Variants in SSNA1 observed in about 807,000 individuals in gnomAD.
SSNA1 encodes microtubule nucleation factor SSNA1.
Under a neutral mutation model 13.3 loss-of-function variants are expected in SSNA1, and 13 were observed. The ratio of observed to expected loss-of-function variants is 0.97; its 90% CI spans 0.63 to 1.55. SSNA1 has a LOEUF of 1.55. Among genes scored for constraint, SSNA1 ranks in the 40% most tolerant of loss-of-function variants. SSNA1 has a pLI of 0.00. For missense variants in SSNA1, 186 were observed against 152.7 expected, an observed-to-expected ratio of 1.22 and a Z score of -1.15; for synonymous variants, 89 against 65.9, an observed-to-expected ratio of 1.35 and a Z score of -1.70.
chr9:137,189,803 C>G lies in SSNA1; in HGVS notation c.253-4C>G, dbSNP rs1433974774. On this transcript the variant is annotated splice_region_variant and splice_polypyrimidine_tract_variant and intron_variant, in intron 2 of 2. Coordinates refer to ENST00000322310, the MANE Select transcript of SSNA1 (RefSeq NM_003731.3). ...TAACAACCTTCTCACTTCTCTGGCC[C>G]CAGATCCTGGAGAGCTCCCAGACTT... 2 of 1,613,756 alleles carry G rather than the reference C, an allele frequency of 1.2e-6. No individual in the cohort carries two copies. The highest frequency in any genetic ancestry group is 1.7e-5 in the Admixed American group (1 of 60,006).
chr9:137,190,153 C>G lies in SSNA1; in HGVS notation c.*239C>G. On this transcript the variant is annotated 3_prime_UTR_variant, in exon 3 of 3. Coordinates refer to ENST00000322310, the MANE Select transcript of SSNA1 (RefSeq NM_003731.3). Reference sequence around the variant, plus strand: ...GATGGTGGGCTCCAGGTCAGCTCTGCAAGGGGCTTGTCTCTGTGGCACCCA... The same window carrying G: ...GATGGTGGGCTCCAGGTCAGCTCTGGAAGGGGCTTGTCTCTGTGGCACCCA... 1 of 499,228 alleles carries G rather than the reference C, an allele frequency of 2.0e-6. No homozygotes were observed. Among genetic ancestry groups the G allele is most frequent in the South Asian group, 2.1e-5 (1 of 47,496 alleles). 30.9% of individuals were successfully genotyped at this position (499,228 alleles called of 1,614,324 possible).
In SSNA1 at chr9:137,188,714, G is replaced by T. The variant is rs377078426; in HGVS notation, c.-13G>T. 1 of 1,582,020 alleles carries T rather than the reference G, an allele frequency of 6.3e-7. No individual in the cohort carries two copies. The highest frequency in any genetic ancestry group is 2.3e-5 in the East Asian group (1 of 42,742). ...CGGCGGTTGGGGTGGTGGGGCCCCG[G>T]GCGGCGTTGACCATGACCCAGCAGG... On this transcript the variant is annotated 5_prime_UTR_variant, in exon 1 of 3. Transcript: ENST00000322310.
In SSNA1 at chr9:137,190,014, CCTCA is replaced by C. The variant is rs1248421738; in HGVS notation, c.*103_*106del. ...GTTCTTCACGGCAGCAGCTACCTTCCCTCACTGTCTCAGGTGCCGAGAGGGGCAG... is the reference window on the plus strand; with the variant it reads ...GTTCTTCACGGCAGCAGCTACCTTCCCTGTCTCAGGTGCCGAGAGGGGCAG... On this transcript the variant is annotated 3_prime_UTR_variant, in exon 3 of 3. Transcript: ENST00000322310. 9.1e-5 allele frequency: 100 copies of C among 1,096,930 alleles called. No homozygotes were observed. The African/African-American group carries it at 1.4e-3, about 15-fold the overall frequency. 67.9% of individuals were successfully genotyped at this position (1,096,930 alleles called of 1,614,324 possible). A position where few individuals can be genotyped will look rare whatever the true frequency, so the allele number is the denominator to read the frequency against.
chr9:137,189,646 C>A (rs1318669275), intron 2 of SSNA1, among the ~76,000 whole-genome samples, 161 bp from the exon 3 acceptor site: 3 of 152,226 alleles, frequency 2.0e-5, no homozygotes, highest in African/African-American at 7.2e-5. Flanking sequence ...GGCCCTGCCA[C>A]CCCGTCTGCC....
At chr9:137,189,678 T>TC in intron 2 of SSNA1, 129 bp from the exon 3 acceptor site, 1 of 805,202 alleles carries the variant, frequency 1.2e-6, no homozygotes, top group Non-Finnish European at 2.0e-6. Flanking sequence ...GCTTCCGCCT[T>TC]CCCCCACACA....
In SSNA1 at chr9:137,189,055, C is replaced by T. The variant is rs1564381249; in HGVS notation, c.53-11C>T. The stretch of plus-strand genomic sequence containing the variant: ...CCCTGGGCCCACAGCGCCGCCCCTC[C>T]CGGCCCCCAGGCATAGAGGAGCTGT... On this transcript the variant is annotated splice_polypyrimidine_tract_variant and intron_variant, in intron 1 of 2. Coordinates refer to ENST00000322310, the MANE Select transcript of SSNA1 (RefSeq NM_003731.3). The T allele has an allele frequency of 6.4e-7, 1 of 1,555,358 alleles. No homozygotes were observed. Among genetic ancestry groups the T allele is most frequent in the Non-Finnish European group, 8.7e-7 (1 of 1,149,112 alleles).
Position 137,189,142 on chromosome 9 carries a change from G to A in SSNA1, c.129G>A (p.Leu43=). 1 of 1,611,376 alleles carries A rather than the reference G, an allele frequency of 6.2e-7. No homozygotes were observed. Among genetic ancestry groups the A allele is most frequent in the Non-Finnish European group, 8.5e-7 (1 of 1,179,290 alleles). The change falls in exon 2 of 3, where the codon CTG becomes CTA. Residue 43 remains leucine (L), a synonymous_variant. Transcript: ENST00000322310. ...IQEEEDEKQR[L]QNEVRQLTEK... is the part of the protein sequence containing the mutation. ...AGGAGGAGGACGAGAAGCAGCGGCT[G>A]CAGAATGAGGTGAGGCAGCTGACAG...
Position 137,189,069 on chromosome 9 carries a change from T to C in SSNA1, c.56T>C (p.Ile19Thr). Residue 19 changes from isoleucine to threonine, a missense_variant, in exon 2 of 3, where the codon ATA (isoleucine) becomes ACA (threonine). Ile to Thr is a moderately conservative substitution (Grantham distance 89, BLOSUM62 -1). Coordinates refer to ENST00000322310, the MANE Select transcript of SSNA1 (RefSeq NM_003731.3). ...QNYNNELVKC[I>T]EELCQKREEL... ...CGCCGCCCCTCCCGGCCCCCAGGCA[T>C]AGAGGAGCTGTGCCAGAAGCGGGAG... 6.4e-7 allele frequency: 1 copy of C among 1,565,590 alleles called. No individual in the cohort carries two copies. Among genetic ancestry groups the C allele is most frequent in the Non-Finnish European group, 8.7e-7 (1 of 1,154,680 alleles).
intron 1 of SSNA1, 66 bp from the exon 2 acceptor site, chr9:137,189,000 G>A: frequency 6.6e-7 from 1 of 1,521,454 alleles, no homozygotes; most frequent in Non-Finnish European, 8.9e-7. Flanking sequence ...TCGGGTGGAA[G>A]GAGGCCCGCC....
At position 137,189,972 on chromosome 9, in the gene SSNA1, G is replaced by A. The variant is rs1834576467; in HGVS notation, c.*58G>A. On this transcript the variant is annotated 3_prime_UTR_variant, in exon 3 of 3. Transcript: ENST00000322310. ...CCCTCAGCTCAGCCCCAGCAAGTGT[G>A]TGCTCAGAGCATCTTTGTTCTTCAC... 1 of 1,455,306 alleles carries A rather than the reference G, an allele frequency of 6.9e-7. No individual in the cohort carries two copies. Among genetic ancestry groups the A allele is most frequent in the African/African-American group, 1.4e-5 (1 of 71,760 alleles). The allele number at this position is 1,455,306 out of a possible 1,614,324, so 90.1% of individuals were successfully genotyped here. A position where few individuals can be genotyped will look rare whatever the true frequency, so the allele number is the denominator to read the frequency against.
At chr9:137,189,366 G>T in intron 2 of SSNA1, 101 bp downstream of exon 2, 3 of 1,370,784 alleles carry the variant, frequency 2.2e-6, no homozygotes, top group Non-Finnish European at 1.0e-6. Context: ...GCTGTGGGCA[G>T]TCTGTGCCTC....
intron 2 of SSNA1, 57 bp downstream of exon 2, chr9:137,189,322 C>T (rs1441186795): frequency 6.3e-7 from 1 of 1,591,610 alleles, no homozygotes. Context: ...GGGGTGTTGC[C>T]ACGGCAAGGC....
chr9:137,188,868 G>C (rs11556579), intron 1 of SSNA1, 90 bp downstream of exon 1: 341,678 of 1,403,986 alleles, frequency 0.24, 43,664 homozygotes, highest in South Asian at 0.32. Context: ...CCGCCTCGCT[G>C]CGGGCATCGC....
Position 137,189,719 on chromosome 9 carries a change from G to A in SSNA1, c.253-88G>A. 3.2e-6 allele frequency: 4 copies of A among 1,260,250 alleles called. No individual in the cohort carries two copies. The South Asian group carries it at 5.2e-5, about 16-fold the overall frequency. The allele number at this position is 1,260,250 out of a possible 1,614,324, so 78.1% of individuals were successfully genotyped here. On this transcript the variant is annotated intron_variant, in intron 2 of 2. Coordinates refer to ENST00000322310, the MANE Select transcript of SSNA1 (RefSeq NM_003731.3). ...CCTTGGCTACAGCACCCCCAGCCAG[G>A]TCCCAGCACCTGAGTGTGAGGACAG...
chr9:137,190,033 G>GA lies in SSNA1; in HGVS notation c.*120dup. ...ACCTTCCCTCACTGTCTCAGGTGCC[G>GA]AGAGGGGCAGGTGCCAGCCTCCACT... On this transcript the variant is annotated 3_prime_UTR_variant, in exon 3 of 3. Coordinates refer to ENST00000322310, the MANE Select transcript of SSNA1 (RefSeq NM_003731.3). 1 of 920,980 alleles carries GA rather than the reference G, an allele frequency of 1.1e-6. No individual in the cohort carries two copies. The highest frequency in any genetic ancestry group is 1.5e-5 in the South Asian group (1 of 64,750). The allele number at this position is 920,980 out of a possible 1,614,324, so 57.1% of individuals were successfully genotyped here. A position where few individuals can be genotyped will look rare whatever the true frequency, so the allele number is the denominator to read the frequency against.
At position 137,189,321 on chromosome 9, in the gene SSNA1, C is replaced by A. The variant is rs868131049; in HGVS notation, c.252+56C>A. 64 of 1,593,080 alleles carry A rather than the reference C, an allele frequency of 4.0e-5. No individual in the cohort carries two copies. In the Middle Eastern group the frequency reaches 2.0e-3, roughly 50 times the overall value. On this transcript the variant is annotated intron_variant, in intron 2 of 2. Transcript: ENST00000322310. ...GGGGATAGGCACGGCAGGGGTGTTGCCACGGCAAGGCGTCAGGACCGGCTG... is the reference window on the plus strand; with the variant it reads ...GGGGATAGGCACGGCAGGGGTGTTGACACGGCAAGGCGTCAGGACCGGCTG...
At chr9:137,189,425 A>G (rs1447397162) in intron 2 of SSNA1, among the ~76,000 whole-genome samples, 160 bp downstream of exon 2, 1 of 152,192 alleles carries the variant, frequency 6.6e-6, no homozygotes, top group African/African-American at 2.4e-5. Context: ...TGAGGAACCC[A>G]GGCTGCTGTG....
Position 137,189,144 on chromosome 9 carries a change from A to G in SSNA1, c.131A>G (p.Gln44Arg), listed in dbSNP as rs1834555506. ...GAGGAGGACGAGAAGCAGCGGCTGC[A>G]GAATGAGGTGAGGCAGCTGACAGAG... ...QEEEDEKQRL[Q>R]NEVRQLTEKL... is the part of the protein sequence containing the mutation. Residue 44 changes from glutamine (Q) to arginine (R), a missense_variant, in exon 2 of 3, where the codon CAG (glutamine) becomes CGG (arginine). Physicochemically the swap from Gln to Arg is conservative, Grantham distance 43 (BLOSUM62 1). Coordinates refer to ENST00000322310, the MANE Select transcript of SSNA1 (RefSeq NM_003731.3). The G allele has an allele frequency of 6.2e-7, 1 of 1,611,568 alleles. No homozygotes were observed. The highest frequency in any genetic ancestry group is 1.7e-5 in the Admixed American group (1 of 59,894).
At position 137,189,115 on chromosome 9, in the gene SSNA1, G is replaced by C. The variant is rs201244865; in HGVS notation, c.102G>C (p.Gln34His). 2 of 1,602,384 alleles carry C rather than the reference G, an allele frequency of 1.2e-6. No homozygotes were observed. The highest frequency in any genetic ancestry group is 8.5e-7 in the Non-Finnish European group (1 of 1,174,906). The change falls in exon 2 of 3, where the codon CAG (glutamine) becomes CAC (histidine). Residue 34 changes from glutamine (Q) to histidine (H), a missense_variant. Gln to His is a conservative substitution (Grantham distance 24). Coordinates refer to ENST00000322310, the MANE Select transcript of SSNA1 (RefSeq NM_003731.3). ...QKREELCRQIQEEEDEKQRLQ... is the reference protein window; with the variant it reads ...QKREELCRQIHEEEDEKQRLQ... Reference sequence around the variant, plus strand: ...GGGAGGAGCTGTGCCGGCAGATCCAGGAGGAGGAGGACGAGAAGCAGCGGC... The same window carrying C: ...GGGAGGAGCTGTGCCGGCAGATCCACGAGGAGGAGGACGAGAAGCAGCGGC...
Sources: gnomAD v4.1 joint callset for allele counts (sites outside exome capture counted in the v4.1 genomes callset) on GRCh38, gnomAD v4.1.1 for gene constraint, MANE v1.5 for transcripts, NCBI Gene and HGNC (gene_info 2026-07-23, HGNC 2026-07-21) for gene names.